ITGA8: variants seen among roughly 807,000 people sequenced by gnomAD.
ITGA8 encodes integrin alpha-8.
In ITGA8, 91 loss-of-function variants were observed where a neutral mutation model predicts 142.3. That is an observed-to-expected ratio of 0.64 (90% CI 0.54 to 0.76). The LOEUF (loss-of-function observed/expected upper bound fraction) is 0.76. Among genes scored for constraint, ITGA8 ranks in the 30% least tolerant of loss-of-function variants. ITGA8 has a pLI of 0.00. For missense variants in ITGA8, 1,406 were observed against 1,327.7 expected (o/e 1.06, Z -0.92); for synonymous variants, 505 against 485.2 (o/e 1.04, Z -0.54).
At chr10:15,532,782 T>C (rs1833336913) in intron 27 of ITGA8, among the ~76,000 whole-genome samples, 1 of 152,108 alleles carries the variant, frequency 6.6e-6, no homozygotes, top group African/African-American at 2.4e-5. Flanking sequence ...AACAGAGCCA[T>C]TATTACAACT....
intron 2 of ITGA8, among the ~76,000 whole-genome samples, chr10:15,716,249 AATT>A (rs1332997273): frequency 6.6e-6 from 1 of 152,156 alleles, no homozygotes; most frequent in Non-Finnish European, 1.5e-5. Flanking sequence ...TGAATTCTGA[AATT>A]ATTATGATTG....
intron 3 of ITGA8, among the ~76,000 whole-genome samples, chr10:15,687,428 A>T (rs1280205773): frequency 6.6e-6 from 1 of 152,220 alleles, no homozygotes; most frequent in Non-Finnish European, 1.5e-5. Context: ...TTTGAAGCTG[A>T]AAGATTATCT....
At chr10:15,669,373 G>T (rs1227305377) in intron 8 of ITGA8, among the ~76,000 whole-genome samples, 1 of 152,146 alleles carries the variant, frequency 6.6e-6, no homozygotes, top group East Asian at 1.9e-4. Context: ...GCTCCATCAG[G>T]TCCTTTAAGG....
chr10:15,689,050 G>A (rs992316090), intron 2 of ITGA8, among the ~76,000 whole-genome samples: 11 of 152,068 alleles, frequency 7.2e-5, no homozygotes, highest in African/African-American at 1.7e-4. Flanking sequence ...AAGGTAAATC[G>A]TCCCTGTTTG....
At chr10:15,643,207 T>C (rs1833901177) in intron 13 of ITGA8, among the ~76,000 whole-genome samples, 1 of 152,234 alleles carries the variant, frequency 6.6e-6, no homozygotes, top group South Asian at 2.1e-4. Flanking sequence ...ATGGTTCCTA[T>C]CATGAACCAG....
chr10:15,709,230 G>C (rs1835318588), intron 2 of ITGA8, among the ~76,000 whole-genome samples: 1 of 152,178 alleles, frequency 6.6e-6, no homozygotes, highest in South Asian at 2.1e-4. Context: ...ACGTGCAAGA[G>C]ATTTTCAGAA....
intron 23 of ITGA8, among the ~76,000 whole-genome samples, chr10:15,584,832 G>C (rs550082941): frequency 9.2e-5 from 14 of 152,286 alleles, no homozygotes; most frequent in African/African-American, 3.4e-4. Flanking sequence ...GAGGTAGGCA[G>C]ATTCACCTGA....
At chr10:15,553,998 A>C (rs966563494) in intron 26 of ITGA8, among the ~76,000 whole-genome samples, 3 of 147,758 alleles carry the variant, frequency 2.0e-5, no homozygotes, top group Non-Finnish European at 3.0e-5. Flanking sequence ...TTGTCTCAAG[A>C]AAAAAAAAAA....
intron 1 of ITGA8, 68 bp downstream of exon 1, chr10:15,719,495 G>A: frequency 7.1e-7 from 1 of 1,407,956 alleles, no homozygotes. Flanking sequence ...CTCCGCGGCA[G>A]AGCCGCTGGG....
chr10:15,643,990 G>T, intron 13 of ITGA8, 40 bp downstream of exon 13: 1 of 1,563,688 alleles, frequency 6.4e-7, no homozygotes, highest in Non-Finnish European at 8.7e-7. Context: ...CTCTATTTCA[G>T]GACGTAGACT....
At chr10:15,616,706 G>T in intron 13 of ITGA8, 147 bp from the exon 14 acceptor site, 1 of 696,572 alleles carries the variant, frequency 1.4e-6, no homozygotes, top group East Asian at 2.7e-5. Flanking sequence ...CCTTTCTTAA[G>T]GCATTTTGGA....
At chr10:15,582,408 C>T (rs115774080) in intron 23 of ITGA8, among the ~76,000 whole-genome samples, 46 of 152,182 alleles carry the variant, frequency 3.0e-4, no homozygotes, top group African/African-American at 1.1e-3. Flanking sequence ...AATTAGGACA[C>T]AAAGAACACA....
chr10:15,640,614 AG>A (rs946954615), intron 13 of ITGA8, among the ~76,000 whole-genome samples: 2 of 152,336 alleles, frequency 1.3e-5, no homozygotes, highest in Admixed American at 1.3e-4. Context: ...GTTACTTCCC[AG>A]GCAAAACATC....
chr10:15,603,304 A>G (rs2131606587), intron 20 of ITGA8, among the ~76,000 whole-genome samples: 1 of 152,332 alleles, frequency 6.6e-6, no homozygotes, highest in Non-Finnish European at 1.5e-5. Context: ...ACATTATTCA[A>G]TCATTAAAAT....
intron 24 of ITGA8, among the ~76,000 whole-genome samples, chr10:15,572,943 T>C (rs1834212007): frequency 6.6e-6 from 1 of 152,194 alleles, no homozygotes; most frequent in Non-Finnish European, 1.5e-5. Flanking sequence ...CCACATCTCA[T>C]AAAGAGATGA....
chr10:15,565,949 G>A (rs1834071316), intron 25 of ITGA8, among the ~76,000 whole-genome samples: 1 of 150,484 alleles, frequency 6.6e-6, no homozygotes, highest in Non-Finnish European at 1.5e-5. Flanking sequence ...AGAGACAGAG[G>A]GAAAGAGGTC....
At chr10:15,533,199 C>T (rs1003513485) in intron 27 of ITGA8, among the ~76,000 whole-genome samples, 9 of 152,216 alleles carry the variant, frequency 5.9e-5, no homozygotes, top group South Asian at 2.1e-4. Context: ...TAGATAAACG[C>T]TTTTTTCCTC....
At chr10:15,711,523 T>G (rs1305871148) in intron 2 of ITGA8, among the ~76,000 whole-genome samples, 1 of 152,076 alleles carries the variant, frequency 6.6e-6, no homozygotes, top group African/African-American at 2.4e-5. Flanking sequence ...ATTTACATAT[T>G]AATATAGATT....
chr10:15,608,758 C>A (rs1197099327), intron 15 of ITGA8, among the ~76,000 whole-genome samples: 1 of 152,040 alleles, frequency 6.6e-6, no homozygotes, highest in Non-Finnish European at 1.5e-5. Flanking sequence ...GGAGGCAAGG[C>A]TGGCTTGGTG....
Sources: allele counts gnomAD v4.1 joint callset (sites outside exome capture counted in the v4.1 genomes callset), GRCh38; gene constraint gnomAD v4.1.1; transcripts MANE v1.5; gene names NCBI Gene and HGNC (gene_info 2026-07-23, HGNC 2026-07-21).